Variants in ATP2B2 observed in about 807,000 individuals in gnomAD.
The protein encoded by ATP2B2 is plasma membrane calcium-transporting ATPase 2.
In ATP2B2, 15 loss-of-function variants were observed where a neutral mutation model predicts 120.0. That is an observed-to-expected ratio of 0.12 (90% CI 0.08 to 0.19). The LOEUF (loss-of-function observed/expected upper bound fraction) is 0.19, where lower values mean the gene tolerates loss of function less well. Among genes scored for constraint, ATP2B2 ranks in the 10% least tolerant of loss-of-function variants. The pLI, the probability that ATP2B2 is intolerant of heterozygous loss-of-function variation, is 1.00. For synonymous variants in ATP2B2, 694 were observed against 700.3 expected, an observed-to-expected ratio of 0.99 and a Z score of 0.14; for missense variants, 1,045 against 1,719.8, an observed-to-expected ratio of 0.61 and a Z score of 6.94.
intron 2 of ATP2B2, among the ~76,000 whole-genome samples, chr3:10,425,702 C>T (rs962833706): frequency 6.6e-6 from 1 of 152,188 alleles, no homozygotes; most frequent in Non-Finnish European, 1.5e-5. Context: ...TTACACCATC[C>T]AGCAAAATTC....
chr3:10,501,171 C>T (rs993196832), intron 1 of ATP2B2, among the ~76,000 whole-genome samples: 13 of 152,114 alleles, frequency 8.5e-5, no homozygotes, highest in Non-Finnish European at 2.9e-5. Flanking sequence ...GGTCTCTGGC[C>T]ACATATCTGG....
In ATP2B2 at chr3:10,342,999, C is replaced by A. The variant is rs773727996; in HGVS notation, c.2704-34G>T. 1.2e-6 allele frequency: 2 copies of A among 1,601,030 alleles called. No homozygotes were observed. The highest frequency in any genetic ancestry group is 1.7e-6 in the Non-Finnish European group (2 of 1,169,388). ...GGGCAGGAGAGGGCTGTCACCTGTG[C>A]GCCCACCTGCTGCTGTGAAGTGCTG... On this transcript the variant is annotated intron_variant, in intron 18 of 22. Coordinates refer to ENST00000360273, the MANE Select transcript of ATP2B2 (RefSeq NM_001001331.4). The surrounding 1 kb of genome is among the most constrained non-coding windows in gnomAD (Gnocchi z 4.4).
At chr3:10,442,980 G>A (rs928006988) in intron 2 of ATP2B2, among the ~76,000 whole-genome samples, 11 of 152,204 alleles carry the variant, frequency 7.2e-5, no homozygotes, top group Non-Finnish European at 1.5e-4. Flanking sequence ...ATAAGAAGTG[G>A]TGCCAGGATT....
At chr3:10,403,543 G>A (rs2075313) in intron 3 of ATP2B2, among the ~76,000 whole-genome samples, 37,165 of 152,236 alleles carry the variant, frequency 0.24, 5,580 homozygotes, top group East Asian at 0.67. Flanking sequence ...AGCAAGAGGT[G>A]GAGGCCCAGG....
intron 2 of ATP2B2, among the ~76,000 whole-genome samples, chr3:10,445,997 G>A (rs1188376929): frequency 6.6e-6 from 1 of 152,218 alleles, no homozygotes; most frequent in Non-Finnish European, 1.5e-5. Flanking sequence ...TTGTCCTACA[G>A]TGGATGCCAG....
At chr3:10,521,100 C>T (rs1340187155) in intron 3 of ATP2B2, among the ~76,000 whole-genome samples, 1 of 152,216 alleles carries the variant, frequency 6.6e-6, no homozygotes, top group African/African-American at 2.4e-5. Flanking sequence ...CAAGGTTTTG[C>T]CTGAGACCCT....
At chr3:10,409,526 C>T (rs1380724425) in intron 3 of ATP2B2, among the ~76,000 whole-genome samples, 6 of 152,136 alleles carry the variant, frequency 3.9e-5, no homozygotes, top group African/African-American at 1.4e-4. Flanking sequence ...TCTTTGCTTC[C>T]ATTCCTTTTC....
At chr3:10,344,167 G>C (rs2060362959) in intron 18 of ATP2B2, among the ~76,000 whole-genome samples, 1 of 151,982 alleles carries the variant, frequency 6.6e-6, no homozygotes, top group Non-Finnish European at 1.5e-5. Flanking sequence ...GGTCAAGTGT[G>C]CCCGTCTTCT....
In ATP2B2 at chr3:10,484,899, TCA is replaced by T. The variant is rs574962451; in HGVS notation, c.-320+20564_-320+20565del. On this transcript the variant is annotated intron_variant, in intron 1 of 22. Coordinates refer to ENST00000360273, the MANE Select transcript of ATP2B2 (RefSeq NM_001001331.4). ...GCAGATTCCTTCACAGTGCTGAGCC[TCA>T]GTTTCCTCAGCTGTGAAATGGGCTG... Among the ~76,000 whole-genome samples the T allele has an allele frequency of 4.6e-5, 7 of 152,362 alleles. No homozygotes were observed. The South Asian group carries it at 1.4e-3, about 32-fold the overall frequency.
chr3:10,664,298 T>C (rs977458459), intron 1 of ATP2B2, among the ~76,000 whole-genome samples: 10 of 152,104 alleles, frequency 6.6e-5, no homozygotes. Context: ...CACACTAAAG[T>C]GGTCAGCGGC....
At chr3:10,625,545 C>G (rs1172947785) in intron 1 of ATP2B2, among the ~76,000 whole-genome samples, 1 of 152,222 alleles carries the variant, frequency 6.6e-6, no homozygotes, top group African/African-American at 2.4e-5. Flanking sequence ...GTTACAGAAT[C>G]CGGATCATGG....
intron 1 of ATP2B2, among the ~76,000 whole-genome samples, chr3:10,454,904 A>G (rs111817506): frequency 8.5e-4 from 129 of 152,200 alleles, no homozygotes; most frequent in Middle Eastern, 6.8e-3. Flanking sequence ...CCTAGACTGC[A>G]TAAATGCTCC....
At chr3:10,587,690 C>A (rs1009212527) in intron 2 of ATP2B2, among the ~76,000 whole-genome samples, 1 of 152,172 alleles carries the variant, frequency 6.6e-6, no homozygotes, top group African/African-American at 2.4e-5. Context: ...TAGTTTAATT[C>A]TTCATTGTCT....
intron 12 of ATP2B2, 109 bp from the exon 13 acceptor site, chr3:10,360,232 GGGGGCTGAGCCCTCAGGGA>G: frequency 6.8e-7 from 1 of 1,465,924 alleles, no homozygotes; most frequent in Non-Finnish European, 9.0e-7. Flanking sequence ...TCTCTGGGCT[GGGGGCTGAGCCCTCAGGGA>G]GCCCTTGGCC....
At chr3:10,500,080 A>G (rs1297179774) in intron 1 of ATP2B2, among the ~76,000 whole-genome samples, 1 of 151,932 alleles carries the variant, frequency 6.6e-6, no homozygotes, top group Non-Finnish European at 1.5e-5. Context: ...GATTACAGGC[A>G]TGCACCACCA....
chr3:10,549,243 T>C (rs1158641272), intron 2 of ATP2B2, among the ~76,000 whole-genome samples: 9 of 152,184 alleles, frequency 5.9e-5, no homozygotes, highest in Admixed American at 3.9e-4. Flanking sequence ...CCCTCCTCAG[T>C]GGCCCCCTTC....
intron 3 of ATP2B2, among the ~76,000 whole-genome samples, chr3:10,524,113 G>C (rs901197140): frequency 4.6e-5 from 7 of 152,258 alleles, no homozygotes; most frequent in Non-Finnish European, 7.4e-5. Context: ...GTGGCCACTA[G>C]GTCATCCCCT....
intron 1 of ATP2B2, among the ~76,000 whole-genome samples, chr3:10,629,259 C>G (rs751603796): frequency 7.2e-5 from 11 of 152,358 alleles, no homozygotes; most frequent in Admixed American, 2.0e-4. Flanking sequence ...TCGACCTCCG[C>G]TGGGAACGCG....
At chr3:10,607,080 T>C (rs920022265) in intron 2 of ATP2B2, among the ~76,000 whole-genome samples, 3 of 152,116 alleles carry the variant, frequency 2.0e-5, no homozygotes, top group African/African-American at 4.8e-5. Context: ...ATGAATCTCA[T>C]ACTTTTTAAA....
Sources: allele counts gnomAD v4.1 joint callset (sites outside exome capture counted in the v4.1 genomes callset), GRCh38; gene constraint gnomAD v4.1.1; non-coding constraint Gnocchi (gnomAD v3.1); transcripts MANE v1.5; gene names NCBI Gene and HGNC (gene_info 2026-07-23, HGNC 2026-07-21).